The following MAGI1 variants were observed in gnomAD, a reference collection of about 807,000 sequenced individuals.
MAGI1 encodes membrane associated guanylate kinase, WW and PDZ domain containing 1.
In MAGI1, 58 loss-of-function variants were observed where a neutral mutation model predicts 139.9. The ratio of observed to expected loss-of-function variants is 0.41; its 90% CI spans 0.34 to 0.52. The LOEUF is 0.52. Among genes scored for constraint, MAGI1 ranks in the 20% least tolerant of loss-of-function variants. The probability of loss-of-function intolerance (pLI) is 0.12; values close to 1 mark genes in which losing one functional copy is unlikely to be tolerated. For missense variants in MAGI1, 1,874 were observed against 1,901.6 expected (o/e 0.99, Z 0.27); for synonymous variants, 812 against 737.9 (o/e 1.10, Z -1.63).
At chr3:65,499,000 C>A in intron 2 of MAGI1, 19 of 983,006 alleles carry the variant, frequency 1.9e-5, no homozygotes, top group Non-Finnish European at 2.3e-5. Context: ...AAAATAAGAA[C>A]AAGAAACATA....
At chr3:65,976,033 G>C (rs4626127) in intron 1 of MAGI1, among the ~76,000 whole-genome samples, 1 of 152,156 alleles carries the variant, frequency 6.6e-6, no homozygotes, top group Non-Finnish European at 1.5e-5. Context: ...CTTCATCCTA[G>C]GTTGGTGCCT....
intron 18 of MAGI1, among the ~76,000 whole-genome samples, chr3:65,367,245 G>C (rs1379779276): frequency 6.6e-6 from 1 of 152,148 alleles, no homozygotes; most frequent in East Asian, 1.9e-4. Context: ...GTTCTTGTGT[G>C]TTGTTGGTAG....
intron 1 of MAGI1, among the ~76,000 whole-genome samples, chr3:65,982,914 ATTTTTTAT>A (rs2107288550): frequency 6.6e-6 from 1 of 152,164 alleles, no homozygotes; most frequent in Admixed American, 6.6e-5. Flanking sequence ...AAGGAAAATG[ATTTTTTAT>A]TTTTTTATTT....
At chr3:65,865,782 C>A (rs918885998) in intron 1 of MAGI1, among the ~76,000 whole-genome samples, 1 of 152,130 alleles carries the variant, frequency 6.6e-6, no homozygotes. Flanking sequence ...CTGGGATCAC[C>A]GGCATTCGCC....
intron 1 of MAGI1, among the ~76,000 whole-genome samples, chr3:65,918,883 A>T (rs1193504307): frequency 1.3e-5 from 2 of 152,144 alleles, no homozygotes; most frequent in Non-Finnish European, 1.5e-5. Context: ...GTTCAATTAT[A>T]CTGCAGAGTG....
At chr3:65,771,319 A>T (rs1365172028) in intron 1 of MAGI1, among the ~76,000 whole-genome samples, 3 of 151,970 alleles carry the variant, frequency 2.0e-5, no homozygotes, top group African/African-American at 7.2e-5. Context: ...TGTCTCAAAA[A>T]AAAAAAAAGA....
At chr3:65,940,647 T>C (rs559506354) in intron 1 of MAGI1, among the ~76,000 whole-genome samples, 3 of 152,340 alleles carry the variant, frequency 2.0e-5, no homozygotes, top group Admixed American at 2.0e-4. Flanking sequence ...ATTCAGTCTA[T>C]AACACGGGTC....
At chr3:65,838,488 T>C (rs1386781713) in intron 1 of MAGI1, among the ~76,000 whole-genome samples, 1 of 152,246 alleles carries the variant, frequency 6.6e-6, no homozygotes, top group East Asian at 1.9e-4. Context: ...TCATACAATA[T>C]ATGACCTTTA....
chr3:65,373,057 C>T (rs1159583985), intron 18 of MAGI1, among the ~76,000 whole-genome samples: 2 of 152,198 alleles, frequency 1.3e-5, no homozygotes, highest in African/African-American at 4.8e-5. Context: ...CCTCTGCATT[C>T]ACAACTTGGA....
At chr3:65,493,851 G>A (rs1363782509) in intron 2 of MAGI1, among the ~76,000 whole-genome samples, 1 of 152,158 alleles carries the variant, frequency 6.6e-6, no homozygotes, top group South Asian at 2.1e-4. Flanking sequence ...CCAAATGGGA[G>A]AGAGAGAAAA....
chr3:65,553,839 A>T (rs1041334866), intron 2 of MAGI1, among the ~76,000 whole-genome samples: 2 of 152,226 alleles, frequency 1.3e-5, no homozygotes, highest in African/African-American at 4.8e-5. Context: ...ACTTGGGCTA[A>T]TTCTCAGTTT....
chr3:65,914,912 G>A (rs1576015295), intron 1 of MAGI1, among the ~76,000 whole-genome samples: 2 of 152,254 alleles, frequency 1.3e-5, no homozygotes, highest in African/African-American at 2.4e-5. Flanking sequence ...GAAGATAATA[G>A]CACCCCCTTG....
At chr3:66,026,891 GTC>G (rs2068297153) in intron 1 of MAGI1, among the ~76,000 whole-genome samples, 1 of 151,754 alleles carries the variant, frequency 6.6e-6, no homozygotes, top group Non-Finnish European at 1.5e-5. Context: ...TAAGACCGGT[GTC>G]TCTACATTGA....
At chr3:65,509,150 T>C (rs1373357377) in intron 2 of MAGI1, among the ~76,000 whole-genome samples, 2 of 137,666 alleles carry the variant, frequency 1.5e-5, no homozygotes, top group Non-Finnish European at 3.1e-5. Context: ...TTGAAGCTAT[T>C]GCCTTGGCCT....
intron 1 of MAGI1, among the ~76,000 whole-genome samples, chr3:65,823,389 T>C (rs1312976133): frequency 6.6e-6 from 1 of 152,106 alleles, no homozygotes; most frequent in Non-Finnish European, 1.5e-5. Flanking sequence ...TTCTGTTCTA[T>C]TTCCAGTGCC....
At chr3:65,873,050 TC>T (rs2059992514) in intron 1 of MAGI1, 1 of 152,166 alleles carries the variant, frequency 6.6e-6, no homozygotes, top group Non-Finnish European at 1.5e-5. Context: ...CTTTATGTAT[TC>T]CAGACTTCAA....
chr3:65,806,821 A>T (rs1175665775), intron 1 of MAGI1, among the ~76,000 whole-genome samples: 1 of 152,194 alleles, frequency 6.6e-6, no homozygotes, highest in African/African-American at 2.4e-5. Flanking sequence ...ATAGTTTGTG[A>T]CTATAAAAAC....
At chr3:65,935,456 CA>C (rs200552136) in intron 1 of MAGI1, among the ~76,000 whole-genome samples, 1 of 151,600 alleles carries the variant, frequency 6.6e-6, no homozygotes, top group Non-Finnish European at 1.5e-5. Flanking sequence ...CCATCTCTAC[CA>C]AAAAAAATGT....
At chr3:65,483,927 T>C (rs1003221124) in intron 3 of MAGI1, among the ~76,000 whole-genome samples, 1 of 152,218 alleles carries the variant, frequency 6.6e-6, no homozygotes, top group African/African-American at 2.4e-5. Flanking sequence ...TTAAGGAGGA[T>C]TGTAACCCTG....
Sources: allele counts gnomAD v4.1 joint callset (sites outside exome capture counted in the v4.1 genomes callset), GRCh38; gene constraint gnomAD v4.1.1; transcripts MANE v1.5; gene names NCBI Gene and HGNC (gene_info 2026-07-23, HGNC 2026-07-21).